The following CDYL2 variants were observed in gnomAD, a reference collection of about 807,000 sequenced individuals.
CDYL2 encodes chromodomain Y like 2.
CDYL2 carries 23 observed loss-of-function variants against 49.4 expected under a neutral mutation model. That is an observed-to-expected ratio of 0.47 (90% CI 0.34 to 0.66). The LOEUF is 0.66. Ranked by LOEUF, CDYL2 falls within the 30% of genes least tolerant of loss-of-function variation. The pLI is 0.01. For synonymous variants in CDYL2, 360 were observed against 268.8 expected, an observed-to-expected ratio of 1.34 and a Z score of -3.32; for missense variants, 678 against 656.4, an observed-to-expected ratio of 1.03 and a Z score of -0.36.
intron 3 of CDYL2, among the ~76,000 whole-genome samples, chr16:80,624,501 T>C (rs755965865): frequency 7.9e-5 from 12 of 152,052 alleles, no homozygotes; most frequent in Non-Finnish European, 1.2e-4. Context: ...GTAAAAGTAC[T>C]CTGGGGAGAA....
chr16:80,790,735 T>C (rs1567607570), intron 1 of CDYL2, among the ~76,000 whole-genome samples: 1 of 152,214 alleles, frequency 6.6e-6, no homozygotes. Flanking sequence ...AGGTGCTCCC[T>C]ATAATATCAG....
intron 2 of CDYL2, among the ~76,000 whole-genome samples, chr16:80,643,909 G>T (rs536347027): frequency 3.9e-5 from 6 of 152,196 alleles, no homozygotes; most frequent in Non-Finnish European, 7.3e-5. Flanking sequence ...ACTGTCTTGG[G>T]GATTAACATT....
chr16:80,691,931 C>G lies in CDYL2; in HGVS notation c.25-6802G>C, dbSNP rs1910432155. The stretch of plus-strand genomic sequence containing the variant: ...AATTCCCGCTGGAACCAGGAAAGGA[C>G]AGAACCAACATGCGGGAAATCACAC... On this transcript the variant is annotated intron_variant, in intron 1 of 6. Coordinates refer to ENST00000570137, the MANE Select transcript of CDYL2 (RefSeq NM_152342.4). Among the ~76,000 whole-genome samples, 4 of 152,204 alleles carry G rather than the reference C, an allele frequency of 2.6e-5. No homozygotes were observed. In the Middle Eastern group the frequency reaches 0.01, roughly 388 times the overall value.
intron 2 of CDYL2, among the ~76,000 whole-genome samples, chr16:80,663,384 A>G (rs1215145979): frequency 6.6e-6 from 1 of 151,994 alleles, no homozygotes; most frequent in East Asian, 1.9e-4. Context: ...TGCTCTCAGG[A>G]CCTGAATGCA....
intron 2 of CDYL2, chr16:80,639,779 G>C (rs903863492): frequency 2.2e-6 from 1 of 454,784 alleles, no homozygotes; most frequent in Non-Finnish European, 4.4e-6. Context: ...CAGTAGTGTG[G>C]TATGGAAAGC....
chr16:80,668,686 G>C (rs934932683), intron 2 of CDYL2, among the ~76,000 whole-genome samples: 4 of 151,946 alleles, frequency 2.6e-5, no homozygotes, highest in Non-Finnish European at 5.9e-5. Flanking sequence ...TTCACTTGAG[G>C]TCAGGAGTTT....
Position 80,685,061 on chromosome 16 carries a change from G to C in CDYL2, c.93C>G (p.Gly31=). ...CCCACGTGTCCTCGGTGCTCCCGTA[G>C]CCTTTCCATCGGATAAGATACTCCC... ...GKWEYLIRWK[G]YGSTEDTWEP... is the part of the protein sequence containing the mutation. Residue 31 remains glycine, a synonymous_variant, in exon 2 of 7, where the codon GGC becomes GGG. Coordinates refer to ENST00000570137, the MANE Select transcript of CDYL2 (RefSeq NM_152342.4). The C allele has an allele frequency of 8.7e-6, 14 of 1,614,146 alleles. No individual in the cohort carries two copies. The highest frequency in any genetic ancestry group is 1.2e-5 in the Non-Finnish European group (14 of 1,180,048).
chr16:80,620,975 A>G (rs760453016), intron 3 of CDYL2, 40 bp from the exon 4 acceptor site: 2 of 1,527,782 alleles, frequency 1.3e-6, no homozygotes, highest in Non-Finnish European at 1.8e-6. Flanking sequence ...TTAAGTGTCT[A>G]TCCTGTAAGC....
chr16:80,675,731 C>T (rs767965143), intron 2 of CDYL2, among the ~76,000 whole-genome samples: 8 of 150,064 alleles, frequency 5.3e-5, no homozygotes, highest in African/African-American at 1.2e-4. Flanking sequence ...ATAAGGAGAG[C>T]GGCTTTTCAC....
At chr16:80,720,735 A>C (rs928075763) in intron 1 of CDYL2, among the ~76,000 whole-genome samples, 2 of 152,174 alleles carry the variant, frequency 1.3e-5, no homozygotes, top group African/African-American at 4.8e-5. Flanking sequence ...AATGCCACTT[A>C]TTATTACTTT....
intron 1 of CDYL2, among the ~76,000 whole-genome samples, chr16:80,756,766 A>T (rs1906324296): frequency 6.6e-6 from 1 of 152,168 alleles, no homozygotes. Flanking sequence ...AATATTTTTA[A>T]ATCCACTAGT....
At chr16:80,663,722 A>G (rs543940165) in intron 2 of CDYL2, among the ~76,000 whole-genome samples, 1 of 152,216 alleles carries the variant, frequency 6.6e-6, no homozygotes, top group African/African-American at 2.4e-5. Flanking sequence ...CTTCCCAAGT[A>G]GCTAGAATTA....
chr16:80,628,605 C>A (rs7201254), intron 3 of CDYL2, among the ~76,000 whole-genome samples: 3,053 of 152,280 alleles, frequency 0.02, 122 homozygotes, highest in African/African-American at 0.071. Context: ...AGATTCCTGA[C>A]CCACAGCAAT....
chr16:80,687,823 C>G (rs1228876102), intron 1 of CDYL2, among the ~76,000 whole-genome samples: 1 of 152,192 alleles, frequency 6.6e-6, no homozygotes, highest in Non-Finnish European at 1.5e-5. Flanking sequence ...TAGCGCCTAT[C>G]TCTTGGGGTT....
chr16:80,720,180 G>A (rs141665960), intron 1 of CDYL2, among the ~76,000 whole-genome samples: 1 of 152,258 alleles, frequency 6.6e-6, no homozygotes, highest in East Asian at 1.9e-4. Flanking sequence ...TCCAGGAGGG[G>A]AACACTTGCT....
chr16:80,639,758 TC>T (rs1412764059), intron 2 of CDYL2: 2 of 455,428 alleles, frequency 4.4e-6, no homozygotes, highest in South Asian at 3.1e-5. Flanking sequence ...CTCTCTCCCC[TC>T]CCCCTGAAGC....
rs562626140 is a variant in CDYL2 at position 80,776,975 on chromosome 16, G to A, written c.24+27175C>T. On this transcript the variant is annotated intron_variant, in intron 1 of 6. Transcript: ENST00000570137. ...TGGGACTACAGGCGCACGCTGCCACGCCCGGCTAATTTTTTGTTTTTTTTT... is the reference window on the plus strand; with the variant it reads ...TGGGACTACAGGCGCACGCTGCCACACCCGGCTAATTTTTTGTTTTTTTTT... Among the ~76,000 whole-genome samples, 241 of 151,792 alleles carry A rather than the reference G, an allele frequency of 1.6e-3. 2 individuals carry two copies. The highest frequency in any genetic ancestry group is 5.4e-3 in the African/African-American group (224 of 41,378).
intron 2 of CDYL2, among the ~76,000 whole-genome samples, chr16:80,640,362 TC>T (rs1168793824): frequency 6.6e-6 from 1 of 152,074 alleles, no homozygotes; most frequent in African/African-American, 2.4e-5. Flanking sequence ...AAGGGAAGGA[TC>T]CCATCTTGGA....
intron 1 of CDYL2, among the ~76,000 whole-genome samples, chr16:80,687,397 G>T (rs951964149): frequency 6.6e-6 from 1 of 152,084 alleles, no homozygotes; most frequent in Non-Finnish European, 1.5e-5. Context: ...TGGATGGGTG[G>T]ATGGGTGGGT....
Sources: allele counts gnomAD v4.1 joint callset (sites outside exome capture counted in the v4.1 genomes callset), GRCh38; gene constraint gnomAD v4.1.1; transcripts MANE v1.5; gene names NCBI Gene and HGNC (gene_info 2026-07-23, HGNC 2026-07-21).